CNTNAP5: variants seen among roughly 807,000 people sequenced by gnomAD.
CNTNAP5 encodes the protein contactin-associated protein-like 5.
In CNTNAP5, 72 loss-of-function variants were observed where a neutral mutation model predicts 150.2. The observed-to-expected ratio is 0.48, with a 90% CI of 0.40 to 0.58. The LOEUF is 0.58. CNTNAP5 is among the 20% of genes least tolerant of loss of function. The pLI is 0.00. For missense variants in CNTNAP5, 1,636 were observed against 1,626.2 expected (o/e 1.01, Z -0.10); for synonymous variants, 672 against 619.8 (o/e 1.08, Z -1.25).
chr2:124,673,339 C>T (rs1257908950), intron 13 of CNTNAP5, among the ~76,000 whole-genome samples: 2 of 152,066 alleles, frequency 1.3e-5, no homozygotes, highest in Non-Finnish European at 2.9e-5. Flanking sequence ...GCACTGATGA[C>T]GATGACTAAA....
At chr2:124,185,855 C>T (rs577607364) in intron 1 of CNTNAP5, among the ~76,000 whole-genome samples, 4 of 152,302 alleles carry the variant, frequency 2.6e-5, no homozygotes, top group African/African-American at 9.6e-5. Context: ...CTCTGCATAT[C>T]AGAGTTGAAT....
intron 3 of CNTNAP5, among the ~76,000 whole-genome samples, chr2:124,283,413 C>T (rs1348396266): frequency 6.6e-6 from 1 of 152,180 alleles, no homozygotes; most frequent in Non-Finnish European, 1.5e-5. Context: ...GCATCTGCTG[C>T]AGCACTGCTG....
At chr2:124,661,234 ACT>A (rs35061005) in intron 13 of CNTNAP5, among the ~76,000 whole-genome samples, 3,125 of 152,180 alleles carry the variant, frequency 0.021, 98 homozygotes, top group African/African-American at 0.072. Context: ...TAACATTTTT[ACT>A]CTTTTATAAT....
intron 1 of CNTNAP5, among the ~76,000 whole-genome samples, chr2:124,061,010 AT>A (rs1332525362): frequency 2.0e-5 from 3 of 152,090 alleles, no homozygotes; most frequent in African/African-American, 7.2e-5. Context: ...TGCCAGTGCC[AT>A]TTACTGCATC....
intron 1 of CNTNAP5, among the ~76,000 whole-genome samples, chr2:124,182,855 G>A (rs2699376): frequency 0.81 from 123,910 of 152,076 alleles, 50,717 homozygotes; most frequent in Non-Finnish European, 0.85. Flanking sequence ...CAGAAGATTT[G>A]TTCCATTTTG....
At chr2:124,635,345 T>C (rs974270027) in intron 12 of CNTNAP5, among the ~76,000 whole-genome samples, 3 of 152,034 alleles carry the variant, frequency 2.0e-5, no homozygotes, top group African/African-American at 7.2e-5. Flanking sequence ...CCATTAGAAA[T>C]TGCCACCATG....
chr2:124,573,447 A>T (rs1223263570), intron 11 of CNTNAP5, among the ~76,000 whole-genome samples: 2 of 152,222 alleles, frequency 1.3e-5, no homozygotes, highest in African/African-American at 2.4e-5. Context: ...CTGGGTTGAT[A>T]AAGAGCAAGA....
intron 19 of CNTNAP5, among the ~76,000 whole-genome samples, chr2:124,833,980 G>C (rs1682772893): frequency 6.6e-6 from 1 of 152,154 alleles, no homozygotes; most frequent in African/African-American, 2.4e-5. Flanking sequence ...GCAGAAATGA[G>C]TGAACACTGC....
chr2:124,212,999 C>T (rs568855347), intron 1 of CNTNAP5, among the ~76,000 whole-genome samples: 70 of 151,916 alleles, frequency 4.6e-4, no homozygotes, highest in African/African-American at 1.5e-3. Flanking sequence ...GCACCACGCC[C>T]GGCTAATTTT....
At chr2:124,458,310 TATATATAA>T (rs1172870201) in intron 6 of CNTNAP5, among the ~76,000 whole-genome samples, 1,140 of 100,728 alleles carry the variant, frequency 0.011, 15 homozygotes, top group African/African-American at 0.038. Context: ...TATATATATA[TATATATAA>T]AATGGAATAC....
intron 1 of CNTNAP5, among the ~76,000 whole-genome samples, chr2:124,172,902 CT>C (rs1684969778): frequency 2.0e-5 from 3 of 152,038 alleles, no homozygotes; most frequent in Admixed American, 1.3e-4. Context: ...AGATATTATA[CT>C]TTTTAAAAAT....
At chr2:124,485,067 TC>T (rs1431165413) in intron 7 of CNTNAP5, among the ~76,000 whole-genome samples, 7 of 152,180 alleles carry the variant, frequency 4.6e-5, no homozygotes, top group African/African-American at 1.4e-4. Context: ...GTCACAAGAT[TC>T]AGAAGACATC....
At chr2:124,149,997 C>T (rs775270738) in intron 1 of CNTNAP5, among the ~76,000 whole-genome samples, 1 of 152,278 alleles carries the variant, frequency 6.6e-6, no homozygotes, top group Admixed American at 6.5e-5. Context: ...AGATCTCTGT[C>T]TCTTGTACCC....
chr2:124,816,958 A>G (rs989656712), intron 19 of CNTNAP5, among the ~76,000 whole-genome samples: 1 of 152,178 alleles, frequency 6.6e-6, no homozygotes, highest in Non-Finnish European at 1.5e-5. Context: ...ACAAGTCTCA[A>G]CTACACTCAG....
intron 1 of CNTNAP5, among the ~76,000 whole-genome samples, chr2:124,206,149 G>T (rs956042806): frequency 3.9e-5 from 6 of 152,176 alleles, no homozygotes; most frequent in African/African-American, 1.4e-4. Flanking sequence ...GTAACTAAGT[G>T]ATTAATGCCA....
At chr2:124,085,385 G>T (rs1352800501) in intron 1 of CNTNAP5, among the ~76,000 whole-genome samples, 2 of 152,010 alleles carry the variant, frequency 1.3e-5, no homozygotes, top group Middle Eastern at 3.2e-3. Context: ...TGCCCGTAGT[G>T]ACATACACTG....
chr2:124,767,395 T>A (rs528226161), intron 16 of CNTNAP5, among the ~76,000 whole-genome samples: 118 of 152,266 alleles, frequency 7.7e-4, no homozygotes, highest in African/African-American at 2.8e-3. Context: ...AGTGAATGTG[T>A]TTTAGTGGGC....
At chr2:124,208,184 C>T (rs970059737) in intron 1 of CNTNAP5, among the ~76,000 whole-genome samples, 23 of 152,096 alleles carry the variant, frequency 1.5e-4, no homozygotes, top group East Asian at 5.8e-4. Flanking sequence ...TTTAATATCA[C>T]GTGGGTTTGT....
chr2:124,031,941 T>TA (rs1175006805), intron 1 of CNTNAP5, among the ~76,000 whole-genome samples: 1 of 152,192 alleles, frequency 6.6e-6, no homozygotes, highest in African/African-American at 2.4e-5. Flanking sequence ...AGAGCAGATT[T>TA]AAATGTTAAT....
Sources: gnomAD v4.1 joint callset for allele counts (sites outside exome capture counted in the v4.1 genomes callset) on GRCh38, gnomAD v4.1.1 for gene constraint, MANE v1.5 for transcripts, NCBI Gene and HGNC (gene_info 2026-07-23, HGNC 2026-07-21) for gene names.